The following MCF2L2 variants were observed in gnomAD, a reference collection of about 807,000 sequenced individuals.
MCF2L2 encodes probable guanine nucleotide exchange factor MCF2L2.
In MCF2L2, 102 loss-of-function variants were observed where a neutral mutation model predicts 150.2. That is an observed-to-expected ratio of 0.68 (90% CI 0.58 to 0.80). MCF2L2 has a LOEUF of 0.80. Ranked by LOEUF, MCF2L2 falls within the 30% of genes least tolerant of loss-of-function variation. The pLI, the probability that MCF2L2 is intolerant of heterozygous loss-of-function variation, is 0.00. For synonymous variants in MCF2L2, 465 were observed against 491.3 expected, an observed-to-expected ratio of 0.95 and a Z score of 0.71; for missense variants, 1,256 against 1,372.8, an observed-to-expected ratio of 0.91 and a Z score of 1.34.
chr3:183,395,200 CAT>C (rs1344571069), intron 1 of MCF2L2, among the ~76,000 whole-genome samples: 4 of 152,152 alleles, frequency 2.6e-5, no homozygotes, highest in African/African-American at 4.8e-5. Flanking sequence ...TATGTAATGG[CAT>C]AGACTGTGAT....
intron 1 of MCF2L2, among the ~76,000 whole-genome samples, chr3:183,418,004 A>G (rs1715687934): frequency 6.6e-6 from 1 of 152,168 alleles, no homozygotes; most frequent in Non-Finnish European, 1.5e-5. Flanking sequence ...CCTGGCCAAC[A>G]TGGCAAAACC....
At chr3:183,265,841 A>G (rs1281440038) in intron 15 of MCF2L2, 1 of 152,158 alleles carries the variant, frequency 6.6e-6, no homozygotes, top group African/African-American at 2.4e-5. Flanking sequence ...ATTTATGTAA[A>G]TGGTGGCTAA....
At chr3:183,295,989 A>G (rs976385523) in intron 12 of MCF2L2, among the ~76,000 whole-genome samples, 8 of 152,118 alleles carry the variant, frequency 5.3e-5, no homozygotes, top group Non-Finnish European at 8.8e-5. Flanking sequence ...ATTAGAATAC[A>G]ATGTGGCTTG....
intron 1 of MCF2L2, among the ~76,000 whole-genome samples, chr3:183,390,276 TTC>T (rs1714067215): frequency 1.3e-5 from 2 of 152,138 alleles, no homozygotes; most frequent in Non-Finnish European, 2.9e-5. Context: ...CTTATCTCCA[TTC>T]CTTTTTTTCC....
intron 1 of MCF2L2, among the ~76,000 whole-genome samples, chr3:183,427,070 T>C (rs1278553430): frequency 6.6e-6 from 1 of 152,194 alleles, no homozygotes; most frequent in Non-Finnish European, 1.5e-5. Flanking sequence ...CCAAGCACAG[T>C]CAGCAACAGA....
At chr3:183,341,946 A>G (rs1730715125) in intron 3 of MCF2L2, among the ~76,000 whole-genome samples, 1 of 152,172 alleles carries the variant, frequency 6.6e-6, no homozygotes, top group African/African-American at 2.4e-5. Context: ...TAGGCGGAGG[A>G]CCTTGAGGTT....
chr3:183,199,016 A>G (rs1269414023), intron 25 of MCF2L2, among the ~76,000 whole-genome samples: 1 of 152,244 alleles, frequency 6.6e-6, no homozygotes, highest in Non-Finnish European at 1.5e-5. Flanking sequence ...AATCAATGAC[A>G]TAATATTGTT....
At chr3:183,416,782 C>T (rs1479400758) in intron 1 of MCF2L2, among the ~76,000 whole-genome samples, 2 of 151,920 alleles carry the variant, frequency 1.3e-5, no homozygotes, top group African/African-American at 4.8e-5. Flanking sequence ...CAACTATTTA[C>T]ACAGCATTTA....
At chr3:183,369,144 C>T (rs1435298503) in intron 3 of MCF2L2, among the ~76,000 whole-genome samples, 2 of 152,120 alleles carry the variant, frequency 1.3e-5, no homozygotes, top group Non-Finnish European at 2.9e-5. Flanking sequence ...ATCTCTTAGC[C>T]AAGGGAACTT....
At chr3:183,398,649 T>C (rs1253932275) in intron 1 of MCF2L2, among the ~76,000 whole-genome samples, 1 of 152,150 alleles carries the variant, frequency 6.6e-6, no homozygotes, top group Non-Finnish European at 1.5e-5. Context: ...AACAATTACA[T>C]AAACTATGGG....
At chr3:183,354,222 C>T (rs183591418) in intron 3 of MCF2L2, among the ~76,000 whole-genome samples, 68 of 152,296 alleles carry the variant, frequency 4.5e-4, no homozygotes, top group African/African-American at 1.6e-3. Flanking sequence ...TGACAGCAGG[C>T]CCTGAAAGAA....
chr3:183,398,178 C>T (rs1714563633), intron 1 of MCF2L2, among the ~76,000 whole-genome samples: 1 of 152,202 alleles, frequency 6.6e-6, no homozygotes, highest in East Asian at 1.9e-4. Context: ...GGGACTCAAT[C>T]TCCCACCCAC....
At chr3:183,314,609 C>A (rs1165293368) in intron 7 of MCF2L2, among the ~76,000 whole-genome samples, 1 of 151,952 alleles carries the variant, frequency 6.6e-6, no homozygotes, top group Non-Finnish European at 1.5e-5. Flanking sequence ...GCCAAATCCC[C>A]TAAGCTGTGC....
intron 1 of MCF2L2, among the ~76,000 whole-genome samples, chr3:183,399,096 G>A (rs1351277802): frequency 6.6e-6 from 1 of 152,082 alleles, no homozygotes; most frequent in African/African-American, 2.4e-5. Context: ...GTGTGCATGC[G>A]CAGGTGAGCA....
chr3:183,231,113 A>G, intron 15 of MCF2L2, 96 bp from the exon 16 acceptor site: 1 of 951,816 alleles, frequency 1.1e-6, no homozygotes, highest in Non-Finnish European at 1.7e-6. Context: ...TCATCAATAC[A>G]GTTCCCTTTT....
chr3:183,413,378 A>G (rs948213597), intron 1 of MCF2L2, among the ~76,000 whole-genome samples: 6 of 152,218 alleles, frequency 3.9e-5, no homozygotes, highest in African/African-American at 1.2e-4. Flanking sequence ...TAAGAAAATC[A>G]TAAGAGAAAA....
Position 183,250,227 on chromosome 3 carries a change from C to G in MCF2L2, c.1863-19210G>C, listed in dbSNP as rs146962795. On this transcript the variant is annotated intron_variant, in intron 15 of 29. Transcript: ENST00000328913. ...TACATCCCATTTTAGACATATTAAGCTGAAGATTGATGTGACATACCCAAA... is the reference window on the plus strand; with the variant it reads ...TACATCCCATTTTAGACATATTAAGGTGAAGATTGATGTGACATACCCAAA... Among the ~76,000 whole-genome samples the G allele has an allele frequency of 1.3e-4, 20 of 152,300 alleles. No individual in the cohort carries two copies. The East Asian group carries it at 3.7e-3, about 28-fold the overall frequency.
chr3:183,315,524 AAT>A (rs1729568959), intron 7 of MCF2L2, among the ~76,000 whole-genome samples: 1 of 152,210 alleles, frequency 6.6e-6, no homozygotes, highest in South Asian at 2.1e-4. Context: ...AAATTAATGT[AAT>A]AGAGTATAAA....
At chr3:183,202,856 A>G (rs1021988744) in intron 25 of MCF2L2, among the ~76,000 whole-genome samples, 2 of 152,250 alleles carry the variant, frequency 1.3e-5, no homozygotes, top group Non-Finnish European at 2.9e-5. Flanking sequence ...ATAATGAGAC[A>G]TGTAAAGAAA....
Sources: allele counts gnomAD v4.1 joint callset (sites outside exome capture counted in the v4.1 genomes callset), GRCh38; gene constraint gnomAD v4.1.1; transcripts MANE v1.5; gene names NCBI Gene and HGNC (gene_info 2026-07-23, HGNC 2026-07-21).